HHAT: variants seen among roughly 807,000 people sequenced by gnomAD.
The protein encoded by HHAT is hedgehog acyltransferase.
HHAT carries 47 observed loss-of-function variants against 70.8 expected under a neutral mutation model. The ratio of observed to expected loss-of-function variants is 0.66; its 90% confidence interval spans 0.53 to 0.85. The LOEUF is 0.85. HHAT is among the 40% of genes least tolerant of loss of function. HHAT has a pLI of 0.00. For missense variants in HHAT, 609 were observed against 604.8 expected (o/e 1.01, Z -0.07); for synonymous variants, 228 against 247.6 (o/e 0.92, Z 0.74).
At chr1:210,329,373 C>T (rs2084786716) in intron 1 of HHAT, 3 of 1,171,876 alleles carry the variant, frequency 2.6e-6, no homozygotes, top group South Asian at 8.6e-5. Context: ...GTCCTCTCTC[C>T]TTGGCTTCGT....
At chr1:210,441,344 C>T (rs1019770510) in intron 7 of HHAT, among the ~76,000 whole-genome samples, 7 of 152,034 alleles carry the variant, frequency 4.6e-5, no homozygotes, top group Non-Finnish European at 7.4e-5. Flanking sequence ...CCTGCTGGGC[C>T]CAGAGGGACA....
intron 1 of HHAT, among the ~76,000 whole-genome samples, chr1:210,344,047 G>A (rs1357031292): frequency 1.3e-5 from 2 of 152,114 alleles, no homozygotes; most frequent in African/African-American, 4.8e-5. Flanking sequence ...CACAGCCTGG[G>A]ACTCTCCCTG....
At chr1:210,468,032 C>T (rs2094138350) in intron 8 of HHAT, among the ~76,000 whole-genome samples, 1 of 151,992 alleles carries the variant, frequency 6.6e-6, no homozygotes, top group Non-Finnish European at 1.5e-5. Flanking sequence ...AAAGTTAGAA[C>T]CTGATGGGTT....
chr1:210,586,138 C>T (rs1660397034), intron 9 of HHAT, among the ~76,000 whole-genome samples: 1 of 152,046 alleles, frequency 6.6e-6, no homozygotes, highest in Admixed American at 6.6e-5. Context: ...TTTTAGCCTG[C>T]CTACCTATAC....
chr1:210,397,131 G>A (rs79472043), intron 4 of HHAT, among the ~76,000 whole-genome samples: 5,688 of 152,250 alleles, frequency 0.037, 358 homozygotes, highest in African/African-American at 0.12. Flanking sequence ...TGTGCCATAG[G>A]AAGAAACTGG....
At chr1:210,620,979 A>T (rs1668703937) in intron 10 of HHAT, among the ~76,000 whole-genome samples, 1 of 151,894 alleles carries the variant, frequency 6.6e-6, no homozygotes. Flanking sequence ...CAAAGGAAGC[A>T]CGGTAGGAGC....
chr1:210,654,764 G>A (rs1315497665), intron 11 of HHAT, among the ~76,000 whole-genome samples: 1 of 152,234 alleles, frequency 6.6e-6, no homozygotes, highest in Non-Finnish European at 1.5e-5. Flanking sequence ...CCCCTAGGAA[G>A]GAGGTGGGAG....
chr1:210,612,574 C>T (rs933863632), intron 10 of HHAT, among the ~76,000 whole-genome samples: 1 of 152,128 alleles, frequency 6.6e-6, no homozygotes, highest in African/African-American at 2.4e-5. Context: ...GTTGCTTCCA[C>T]CTTTTGCCTA....
intron 11 of HHAT, among the ~76,000 whole-genome samples, chr1:210,662,662 A>G (rs137948954): frequency 6.6e-5 from 10 of 151,888 alleles, no homozygotes; most frequent in African/African-American, 2.4e-4. Flanking sequence ...GAGAGAAAAT[A>G]TTTGTTTTTT....
At chr1:210,385,663 T>C (rs958712112) in intron 3 of HHAT, among the ~76,000 whole-genome samples, 1 of 152,232 alleles carries the variant, frequency 6.6e-6, no homozygotes, top group African/African-American at 2.4e-5. Context: ...ATGCGCAGTA[T>C]TGTATTTCCT....
intron 9 of HHAT, among the ~76,000 whole-genome samples, chr1:210,544,392 GAC>G (rs1302909100): frequency 1.6e-4 from 3 of 19,144 alleles, no homozygotes; most frequent in African/African-American, 2.3e-4. Flanking sequence ...TTTTTTTTTT[GAC>G]ACAGTTTTGC....
At chr1:210,487,642 A>G (rs2094493260) in intron 8 of HHAT, among the ~76,000 whole-genome samples, 2 of 152,216 alleles carry the variant, frequency 1.3e-5, no homozygotes, top group Non-Finnish European at 2.9e-5. Context: ...TTGCTCCAAA[A>G]TATGCCACTT....
chr1:210,449,811 C>A (rs1010596944), intron 7 of HHAT, among the ~76,000 whole-genome samples: 3 of 152,122 alleles, frequency 2.0e-5, no homozygotes, highest in African/African-American at 7.2e-5. Flanking sequence ...CACATCAGTT[C>A]ATCAAAGTTT....
At chr1:210,367,674 C>T (rs1331649615) in intron 3 of HHAT, among the ~76,000 whole-genome samples, 1 of 152,122 alleles carries the variant, frequency 6.6e-6, no homozygotes, top group Non-Finnish European at 1.5e-5. Context: ...TGACTGTAGT[C>T]CTCCAGTTTT....
chr1:210,636,886 T>G (rs985828762), intron 11 of HHAT, among the ~76,000 whole-genome samples: 3 of 152,204 alleles, frequency 2.0e-5, no homozygotes, highest in African/African-American at 7.2e-5. Context: ...AGATATCCCC[T>G]GATTTCTGAG....
intron 7 of HHAT, among the ~76,000 whole-genome samples, chr1:210,425,146 G>A (rs1328434711): frequency 6.6e-6 from 1 of 152,182 alleles, no homozygotes; most frequent in African/African-American, 2.4e-5. Flanking sequence ...CCACATGTAT[G>A]TCTTCTTTTG....
At chr1:210,441,690 G>A (rs751922945) in intron 7 of HHAT, among the ~76,000 whole-genome samples, 6 of 152,000 alleles carry the variant, frequency 3.9e-5, no homozygotes, top group Non-Finnish European at 8.8e-5. Flanking sequence ...TTGGTAGTTG[G>A]AAAAAGTATT....
intron 3 of HHAT, among the ~76,000 whole-genome samples, chr1:210,385,472 A>AGCTTTGAGTTCTCT (rs1489485656): frequency 2.9e-4 from 44 of 152,122 alleles, no homozygotes; most frequent in African/African-American, 1.1e-3. Context: ...GCCAGGTTAA[A>AGCTTTGAGTTCTCT]GCTTTGAGTT....
chr1:210,674,383 T>C lies in HHAT; in HGVS notation c.*4T>C, dbSNP rs1201975126. On this transcript the variant is annotated 3_prime_UTR_variant, in exon 12 of 12. Coordinates refer to ENST00000261458, the MANE Select transcript of HHAT (RefSeq NM_018194.6). ...CCAGACCTACGCCACGGACTAATGC[T>C]GTTGGGCCCAGGCCAGTCCTTGTTG... 3 of 1,612,530 alleles carry C rather than the reference T, an allele frequency of 1.9e-6. No individual in the cohort carries two copies. The highest frequency in any genetic ancestry group is 2.5e-6 in the Non-Finnish European group (3 of 1,178,686).
Sources: gnomAD v4.1 joint callset for allele counts (sites outside exome capture counted in the v4.1 genomes callset) on GRCh38, gnomAD v4.1.1 for gene constraint, MANE v1.5 for transcripts, NCBI Gene and HGNC (gene_info 2026-07-23, HGNC 2026-07-21) for gene names.